The following PHLPP1 variants were observed in gnomAD, a reference collection of about 807,000 sequenced individuals.
PHLPP1 encodes the protein PH domain and leucine rich repeat protein phosphatase 1.
A neutral mutation model predicts 117.2 loss-of-function variants in PHLPP1; 42 were observed. The observed-to-expected ratio is 0.36, with a 90% CI of 0.28 to 0.46. The LOEUF (loss-of-function observed/expected upper bound fraction) is 0.46, where lower values mean the gene tolerates loss of function less well. PHLPP1 is among the 20% of genes least tolerant of loss of function. PHLPP1 has a pLI of 1.00. For synonymous variants in PHLPP1, 1,042 were observed against 970.7 expected (o/e 1.07, Z -1.37); for missense variants, 2,084 against 2,241.9 (o/e 0.93, Z 1.42).
chr18:62,867,208 C>G (rs921510154), intron 4 of PHLPP1, among the ~76,000 whole-genome samples: 1 of 152,120 alleles, frequency 6.6e-6, no homozygotes, highest in African/African-American at 2.4e-5. Context: ...AATCTTTTGG[C>G]TCTTTCTGCC....
chr18:62,808,419 A>C (rs889521547), intron 1 of PHLPP1, among the ~76,000 whole-genome samples: 3 of 152,212 alleles, frequency 2.0e-5, no homozygotes, highest in Admixed American at 6.5e-5. Context: ...ATCAATCTGT[A>C]CTTTACATGA....
At chr18:62,755,088 C>T (rs76988818) in intron 1 of PHLPP1, among the ~76,000 whole-genome samples, 3,577 of 152,064 alleles carry the variant, frequency 0.024, 56 homozygotes, top group Middle Eastern at 0.058. Context: ...TTTGAAGTAA[C>T]TGACATAGTG....
At chr18:62,899,104 C>G (rs1365880083) in intron 6 of PHLPP1, among the ~76,000 whole-genome samples, 1 of 152,082 alleles carries the variant, frequency 6.6e-6, no homozygotes, top group Admixed American at 6.6e-5. Context: ...CTGGCCTCAA[C>G]TAATTTAGAT....
intron 1 of PHLPP1, among the ~76,000 whole-genome samples, chr18:62,752,234 G>A (rs1911878516): frequency 1.3e-5 from 2 of 152,146 alleles, no homozygotes; most frequent in South Asian, 4.1e-4. Flanking sequence ...TGAGCACTGT[G>A]CCTGTCCAGG....
At chr18:62,861,056 G>A (rs1245363484) in intron 4 of PHLPP1, among the ~76,000 whole-genome samples, 1 of 152,102 alleles carries the variant, frequency 6.6e-6, no homozygotes, top group African/African-American at 2.4e-5. Flanking sequence ...CATGTCATCT[G>A]GGTGATTAGT....
chr18:62,900,345 AAAT>A (rs1916681270), intron 6 of PHLPP1, among the ~76,000 whole-genome samples: 2 of 118,038 alleles, frequency 1.7e-5, no homozygotes, highest in East Asian at 2.2e-4. Context: ...ATAAATAAAT[AAAT>A]AAAAAGTTTG....
chr18:62,807,041 A>T (rs1259704865), intron 1 of PHLPP1, among the ~76,000 whole-genome samples: 1 of 152,104 alleles, frequency 6.6e-6, no homozygotes, highest in African/African-American at 2.4e-5. Flanking sequence ...TCATAGCGAA[A>T]TCTGGTTTAG....
chr18:62,772,183 A>G (rs1912804760), intron 1 of PHLPP1, among the ~76,000 whole-genome samples: 1 of 152,230 alleles, frequency 6.6e-6, no homozygotes, highest in Non-Finnish European at 1.5e-5. Flanking sequence ...AAAGCAGACT[A>G]TAAAGTTAGT....
In PHLPP1 at chr18:62,721,728, T is replaced by A. The variant is rs542236624; in HGVS notation, c.1576+4469T>A. The stretch of plus-strand genomic sequence containing the variant: ...AGTAATTGTAGGGGCAGGAGATGAG[T>A]GTAAATGAATTTGTGTAAAGTTTTA... On this transcript the variant is annotated intron_variant, in intron 1 of 16. Coordinates refer to ENST00000262719, the MANE Select transcript of PHLPP1 (RefSeq NM_194449.4). Among the ~76,000 whole-genome samples, 17 of 152,304 alleles carry A rather than the reference T, an allele frequency of 1.1e-4. No individual in the cohort carries two copies. In the South Asian group the frequency reaches 3.1e-3, roughly 28 times the overall value.
chr18:62,888,263 GAAT>G (rs1916328312), intron 4 of PHLPP1, among the ~76,000 whole-genome samples: 1 of 149,534 alleles, frequency 6.7e-6, no homozygotes, highest in Non-Finnish European at 1.5e-5. Context: ...GTTTAAAATA[GAAT>G]TATTTAAAAT....
At position 62,740,340 on chromosome 18, in the gene PHLPP1, C is replaced by A. The variant is rs183389014; in HGVS notation, c.1576+23081C>A. On this transcript the variant is annotated intron_variant, in intron 1 of 16. Coordinates refer to ENST00000262719, the MANE Select transcript of PHLPP1 (RefSeq NM_194449.4). ...AGATTTGATTTTTTTCTTATGACTT[C>A]TTTTTTCTTATGACTTACAGGTAAG... Among the ~76,000 whole-genome samples, 232 of 152,108 alleles carry A rather than the reference C, an allele frequency of 1.5e-3. 1 individual carries two copies. The highest frequency in any genetic ancestry group is 5.4e-3 in the African/African-American group (224 of 41,494).
chr18:62,797,539 G>T (rs951707812), intron 1 of PHLPP1, among the ~76,000 whole-genome samples: 1 of 152,202 alleles, frequency 6.6e-6, no homozygotes, highest in Non-Finnish European at 1.5e-5. Flanking sequence ...CACTATTACA[G>T]ATGGACGGTC....
chr18:62,931,310 T>C (rs1444320322), intron 10 of PHLPP1, among the ~76,000 whole-genome samples: 1 of 151,374 alleles, frequency 6.6e-6, no homozygotes, highest in African/African-American at 2.4e-5. Flanking sequence ...CAAATGAAAA[T>C]AGAGACACAA....
intron 3 of PHLPP1, among the ~76,000 whole-genome samples, chr18:62,851,698 A>T (rs749999896): frequency 3.9e-5 from 6 of 152,188 alleles, no homozygotes; most frequent in Non-Finnish European, 8.8e-5. Context: ...TGACCTCATG[A>T]TCTGCCTGCC....
chr18:62,832,364 G>T (rs1411372775), intron 2 of PHLPP1: 1 of 152,220 alleles, frequency 6.6e-6, no homozygotes, highest in Non-Finnish European at 1.5e-5. Context: ...TAGCAATTAT[G>T]ATAGAATTTG....
At chr18:62,831,204 T>C (rs1480105545) in intron 2 of PHLPP1, among the ~76,000 whole-genome samples, 1 of 152,212 alleles carries the variant, frequency 6.6e-6, no homozygotes, top group Non-Finnish European at 1.5e-5. Context: ...TCCCAAGCAT[T>C]GGTAAGGGTA....
chr18:62,852,936 G>A (rs1599083444), intron 3 of PHLPP1, among the ~76,000 whole-genome samples: 1 of 152,270 alleles, frequency 6.6e-6, no homozygotes, highest in Non-Finnish European at 1.5e-5. Flanking sequence ...AAGCGTGGCA[G>A]GGATAGGGTA....
At chr18:62,733,814 C>G (rs1911293082) in intron 1 of PHLPP1, among the ~76,000 whole-genome samples, 1 of 152,198 alleles carries the variant, frequency 6.6e-6, no homozygotes, top group African/African-American at 2.4e-5. Flanking sequence ...TGCTTCAGTT[C>G]TGGGATCCTG....
intron 1 of PHLPP1, chr18:62,824,294 C>A: frequency 2.4e-6 from 1 of 410,584 alleles, no homozygotes; most frequent in Non-Finnish European, 4.7e-6. Flanking sequence ...CCAGTGTTCT[C>A]CATCAAAATA....
Sources: gnomAD v4.1 joint callset for allele counts (sites outside exome capture counted in the v4.1 genomes callset) on GRCh38, gnomAD v4.1.1 for gene constraint, MANE v1.5 for transcripts, NCBI Gene and HGNC (gene_info 2026-07-23, HGNC 2026-07-21) for gene names.